ADA: variants seen among roughly 807,000 people sequenced by gnomAD.
ADA encodes adenosine deaminase.
ADA carries 45 observed loss-of-function variants against 49.0 expected under a neutral mutation model. The ratio of observed to expected loss-of-function variants is 0.92; its 90% confidence interval spans 0.72 to 1.18. ADA has a LOEUF of 1.18. ADA is among the 50% of genes most tolerant of loss of function. ADA has a pLI of 0.00. For synonymous variants in ADA, 173 were observed against 184.2 expected (o/e 0.94, Z 0.49); for missense variants, 445 against 472.5 (o/e 0.94, Z 0.54).
rs1299435885 is a variant in ADA, at chr20:44,624,454, C to G, written c.479-125G>C. The stretch of plus-strand genomic sequence containing the variant: ...AGCACAAAACAGGGCTCAGTGTCTT[C>G]AAATCCTAACTGCTATGTCCTAACC... On this transcript the variant is annotated intron_variant, in intron 5 of 11. Transcript: ENST00000372874. 1.0e-5 allele frequency: 13 copies of G among 1,282,878 alleles called. No homozygotes were observed. In the East Asian group the frequency reaches 3.1e-4, roughly 30 times the overall value. The allele number at this position is 1,282,878 out of a possible 1,614,324, so 79.5% of individuals were successfully genotyped here.
chr20:44,649,910 T>C (rs1370896257), intron 1 of ADA, among the ~76,000 whole-genome samples: 1 of 152,116 alleles, frequency 6.6e-6, no homozygotes, highest in Non-Finnish European at 1.5e-5. Flanking sequence ...TAATTTTTTA[T>C]ATTTTTAGTA....
At chr20:44,635,205 G>A (rs867802024) in intron 2 of ADA, among the ~76,000 whole-genome samples, 4 of 152,300 alleles carry the variant, frequency 2.6e-5, no homozygotes, top group African/African-American at 4.8e-5. Flanking sequence ...AACCTTCCTC[G>A]CTGGGGAACA....
In ADA at chr20:44,651,603, G is replaced by GC; in HGVS notation, c.4dup (p.Ala2GlyfsTer24). 1 of 1,537,578 alleles carries GC rather than the reference G, an allele frequency of 6.5e-7. No homozygotes were observed. The highest frequency in any genetic ancestry group is 1.2e-5 in the South Asian group (1 of 84,436). ...GGGCTTGTCGAAGGCGGGCGTCTGG[G>GC]CCATGGTGCCCTCGTGCGCCCCGGC... On this transcript the variant is annotated frameshift_variant, in exon 1 of 12. Transcript: ENST00000372874. LOFTEE classifies it high-confidence loss of function.
intron 1 of ADA, among the ~76,000 whole-genome samples, chr20:44,640,214 C>T (rs6094006): frequency 0.011 from 1,692 of 152,002 alleles, 22 homozygotes; most frequent in African/African-American, 0.038. Flanking sequence ...AGGAGTTCAA[C>T]ACCAGCCTGG....
chr20:44,651,504 T>G, intron 1 of ADA, 71 bp downstream of exon 1: 1 of 1,445,418 alleles, frequency 6.9e-7, no homozygotes, highest in African/African-American at 1.4e-5. Context: ...CGCCCCGGGC[T>G]GGGCCCCGCT....
At chr20:44,642,635 G>A (rs377583952) in intron 1 of ADA, among the ~76,000 whole-genome samples, 83 of 152,270 alleles carry the variant, frequency 5.5e-4, no homozygotes, top group African/African-American at 1.9e-3. Context: ...AGAGGCCGAA[G>A]CAAAGGGTTT....
intron 1 of ADA, among the ~76,000 whole-genome samples, chr20:44,643,944 T>C (rs2224999): frequency 0.53 from 80,750 of 151,276 alleles, 22,321 homozygotes; most frequent in East Asian, 0.76. Context: ...GGGCGGTGGG[T>C]TCACTTACCC....
At chr20:44,635,040 T>A (rs559541928) in intron 2 of ADA, among the ~76,000 whole-genome samples, 1 of 152,190 alleles carries the variant, frequency 6.6e-6, no homozygotes, top group Admixed American at 6.5e-5. Flanking sequence ...GAGGGCCTGT[T>A]CTTAGCCTCA....
chr20:44,638,543 C>A (rs918362590), intron 1 of ADA, among the ~76,000 whole-genome samples: 1 of 152,188 alleles, frequency 6.6e-6, no homozygotes, highest in African/African-American at 2.4e-5. Context: ...CGCCACTGCA[C>A]TCCAGCCTGG....
At chr20:44,628,277 C>G (rs973122755) in intron 3 of ADA, among the ~76,000 whole-genome samples, 2 of 152,188 alleles carry the variant, frequency 1.3e-5, no homozygotes, top group Non-Finnish European at 1.5e-5. Flanking sequence ...GTAATCCCAG[C>G]ATTTTGGGAG....
At chr20:44,647,361 G>A (rs554953248) in intron 1 of ADA, among the ~76,000 whole-genome samples, 1 of 151,940 alleles carries the variant, frequency 6.6e-6, no homozygotes, top group Admixed American at 6.5e-5. Flanking sequence ...ACTTGAACCT[G>A]GGAGGCGAAG....
intron 1 of ADA, among the ~76,000 whole-genome samples, chr20:44,643,600 G>A (rs1164060343): frequency 6.6e-6 from 1 of 152,092 alleles, no homozygotes; most frequent in African/African-American, 2.4e-5. Context: ...GTAGAGCTAG[G>A]GTGGAACTCA....
At chr20:44,627,183 CTTT>C (rs35587028) in intron 3 of ADA, among the ~76,000 whole-genome samples, 4 of 140,676 alleles carry the variant, frequency 2.8e-5, no homozygotes, top group African/African-American at 5.2e-5. Flanking sequence ...ACCACCTTAT[CTTT>C]TTTTTTTTTT....
intron 1 of ADA, 130 bp downstream of exon 1, chr20:44,651,445 G>A: frequency 2.1e-6 from 2 of 955,408 alleles, no homozygotes; most frequent in South Asian, 3.0e-5. Context: ...GGCCTAAGCC[G>A]AAGGAAGAAC....
Position 44,624,248 on chromosome 20 carries a change from G to A in ADA, c.560C>T (p.Thr187Ile). ...AGGCAAGAGGCTGCTTCCTGGGATG[G>A]TCTCATCTCCAGCCAGGTCAATGGC... ...VVAIDLAGDE[T>I]IPGSSLLPGH... The change falls in exon 6 of 12, where the codon ACC becomes ATC. Residue 187 changes from threonine to isoleucine, a missense_variant. By Grantham distance (89) the Thr-to-Ile change is moderately conservative (BLOSUM62 -1). Coordinates refer to ENST00000372874, the MANE Select transcript of ADA (RefSeq NM_000022.4). 2 of 1,613,972 alleles carry A rather than the reference G, an allele frequency of 1.2e-6. No homozygotes were observed. The highest frequency in any genetic ancestry group is 1.7e-6 in the Non-Finnish European group (2 of 1,179,936).
In ADA at chr20:44,624,400, T is replaced by C. The variant is rs1326943434; in HGVS notation, c.479-71A>G. The C allele has an allele frequency of 3.1e-6, 5 of 1,603,856 alleles. No individual in the cohort carries two copies. In the African/African-American group the frequency reaches 6.7e-5, roughly 21 times the overall value. On this transcript the variant is annotated intron_variant, in intron 5 of 11. Coordinates refer to ENST00000372874, the MANE Select transcript of ADA (RefSeq NM_000022.4). ...GAGACCTCCCAGCCTACCTGCCTGCTGTCCCACCCAAACCCCCCATGGGAG... is the reference window on the plus strand; with the variant it reads ...GAGACCTCCCAGCCTACCTGCCTGCCGTCCCACCCAAACCCCCCATGGGAG...
At chr20:44,639,270 C>G (rs1008509203) in intron 1 of ADA, among the ~76,000 whole-genome samples, 24 of 152,068 alleles carry the variant, frequency 1.6e-4, no homozygotes, top group Middle Eastern at 3.4e-3. Flanking sequence ...TCAGGTTAGG[C>G]CTGGGTGGGG....
intron 5 of ADA, among the ~76,000 whole-genome samples, chr20:44,625,232 T>A (rs976450964): frequency 6.6e-6 from 1 of 152,100 alleles, no homozygotes; most frequent in Non-Finnish European, 1.5e-5. Context: ...CCAGACAGGA[T>A]GGGGCCTGGT....
chr20:44,641,924 T>C (rs566227708), intron 1 of ADA, among the ~76,000 whole-genome samples: 1 of 152,024 alleles, frequency 6.6e-6, no homozygotes, highest in South Asian at 2.1e-4. Flanking sequence ...CCCACCACCA[T>C]GCCCGGCTAA....
Sources: allele counts gnomAD v4.1 joint callset (sites outside exome capture counted in the v4.1 genomes callset), GRCh38; gene constraint gnomAD v4.1.1; transcripts MANE v1.5; gene names NCBI Gene and HGNC (gene_info 2026-07-23, HGNC 2026-07-21).